Variants in R3HDM2 observed in about 807,000 individuals in gnomAD.
R3HDM2 encodes R3H domain containing 2, also known as R3H domain-containing protein 2.
A neutral mutation model predicts 124.5 loss-of-function variants in R3HDM2; 38 were observed. The ratio of observed to expected loss-of-function variants is 0.31; its 90% CI spans 0.24 to 0.40. The LOEUF (loss-of-function observed/expected upper bound fraction) is 0.40. R3HDM2 is among the 10% of genes least tolerant of loss of function. R3HDM2 has a pLI of 1.00. For synonymous variants in R3HDM2, 391 were observed against 448.0 expected, an observed-to-expected ratio of 0.87 and a Z score of 1.61; for missense variants, 869 against 1,236.9, an observed-to-expected ratio of 0.70 and a Z score of 4.46.
chr12:57,344,368 A>G (rs1163633958), intron 2 of R3HDM2, among the ~76,000 whole-genome samples: 1 of 152,226 alleles, frequency 6.6e-6, no homozygotes, highest in African/African-American at 2.4e-5. Context: ...ATTAAAGTCA[A>G]TATTCACCAC....
chr12:57,428,584 G>C (rs1868627172), intron 1 of R3HDM2, among the ~76,000 whole-genome samples: 1 of 151,994 alleles, frequency 6.6e-6, no homozygotes, highest in African/African-American at 2.4e-5. Context: ...TTACCCAGGA[G>C]ACAGAGCTTG....
chr12:57,400,544 G>A (rs1356648452), intron 1 of R3HDM2, among the ~76,000 whole-genome samples: 4 of 151,840 alleles, frequency 2.6e-5, no homozygotes, highest in African/African-American at 4.8e-5. Context: ...TAACAAACCC[G>A]CACGTTGTGC....
At chr12:57,374,547 G>A (rs985250248) in intron 2 of R3HDM2, among the ~76,000 whole-genome samples, 5 of 151,324 alleles carry the variant, frequency 3.3e-5, no homozygotes, top group African/African-American at 1.2e-4. Flanking sequence ...GCCAGGCATG[G>A]TGGCAGGTAT....
chr12:57,323,977 T>C (rs1223823044), intron 2 of R3HDM2, among the ~76,000 whole-genome samples: 1 of 152,120 alleles, frequency 6.6e-6, no homozygotes, highest in Non-Finnish European at 1.5e-5. Flanking sequence ...AAGTTCACAC[T>C]GTCTTTTCCC....
chr12:57,360,030 T>C (rs11172180), intron 2 of R3HDM2, among the ~76,000 whole-genome samples: 47,646 of 95,924 alleles, frequency 0.5, 9,738 homozygotes, highest in Middle Eastern at 0.76. Context: ...TATACACACA[T>C]ATATATATAT....
chr12:57,316,168 T>A (rs533616083), intron 2 of R3HDM2, among the ~76,000 whole-genome samples: 1 of 152,166 alleles, frequency 6.6e-6, no homozygotes, highest in Non-Finnish European at 1.5e-5. Context: ...AAATAATTCT[T>A]ACACTGAGAA....
chr12:57,261,767 A>AC (rs1350009574), intron 19 of R3HDM2, among the ~76,000 whole-genome samples: 1 of 151,398 alleles, frequency 6.6e-6, no homozygotes, highest in African/African-American at 2.4e-5. Flanking sequence ...CAAAAAAAAA[A>AC]AAAAAAAAAA....
intron 2 of R3HDM2, among the ~76,000 whole-genome samples, chr12:57,360,049 T>TATATATACATATATATATATA (rs2061739660): frequency 1.9e-5 from 1 of 52,712 alleles, no homozygotes; most frequent in South Asian, 5.1e-4. Context: ...ATATATATAT[T>TATATATACATATATATATATA]TTTTTTTTTT....
At chr12:57,310,222 GA>G (rs57612216) in intron 3 of R3HDM2, 41 bp downstream of exon 3, 1,020,726 of 1,086,904 alleles carry the variant, frequency 0.94, 480,164 homozygotes, top group East Asian at 0.96. Context: ...GTCTCTAAAG[GA>G]AAAAAAAAAA....
intron 2 of R3HDM2, among the ~76,000 whole-genome samples, chr12:57,345,500 TACACACACAC>T (rs55903347): frequency 0.21 from 31,611 of 147,492 alleles, 3,447 homozygotes; most frequent in South Asian, 0.35. Flanking sequence ...ATTTCTTTTA[TACACACACAC>T]ACACACACAC....
At chr12:57,340,387 G>C (rs576911127) in intron 2 of R3HDM2, among the ~76,000 whole-genome samples, 30 of 152,270 alleles carry the variant, frequency 2.0e-4, no homozygotes, top group African/African-American at 7.2e-4. Flanking sequence ...CAAGATGCAA[G>C]GATGTGGTGG....
intron 17 of R3HDM2, 47 bp from the exon 18 acceptor site, chr12:57,268,504 A>G (rs890428511): frequency 6.3e-7 from 1 of 1,597,312 alleles, no homozygotes; most frequent in Middle Eastern, 1.7e-4. Context: ...ATTCACATTG[A>G]GCTCATGCAG....
At position 57,320,261 on chromosome 12, in the gene R3HDM2, C is replaced by CAA. The variant is rs56207989; in HGVS notation, c.-35-9800_-35-9799dup. 7.0e-4 allele frequency among the ~76,000 whole-genome samples: 10 copies of CAA among 14,284 alleles called. 2 individuals are homozygous for CAA. The highest frequency in any genetic ancestry group is 4.5e-3 in the Admixed American group (3 of 666). 9.4% of individuals were successfully genotyped at this position (14,284 alleles called of 152,430 possible). A position where few individuals can be genotyped will look rare whatever the true frequency, so the allele number is the denominator to read the frequency against. On this transcript the variant is annotated intron_variant, in intron 2 of 23. Transcript: ENST00000402412. ...GGGCAACAAGAGTGCAACTCTATCT[C>CAA]AAAAAAAAAAAAAAAAAAAAAAAAA...
chr12:57,288,579 A>C (rs2047921728), intron 12 of R3HDM2, among the ~76,000 whole-genome samples: 1 of 152,094 alleles, frequency 6.6e-6, no homozygotes, highest in Non-Finnish European at 1.5e-5. Context: ...AATTCCAGCT[A>C]ATTTCTGGGA....
intron 2 of R3HDM2, among the ~76,000 whole-genome samples, chr12:57,366,163 T>A (rs150346514): frequency 1.2e-4 from 19 of 152,276 alleles, no homozygotes; most frequent in African/African-American, 4.6e-4. Flanking sequence ...TCTATCTATG[T>A]TTTCATTTAG....
At chr12:57,260,139 C>T (rs2040300517) in intron 19 of R3HDM2, among the ~76,000 whole-genome samples, 1 of 151,484 alleles carries the variant, frequency 6.6e-6, no homozygotes, top group African/African-American at 2.4e-5. Flanking sequence ...TGGCAAGCAC[C>T]TGTAGTCTCA....
chr12:57,380,971 T>A (rs2064782739), intron 2 of R3HDM2, among the ~76,000 whole-genome samples: 1 of 152,088 alleles, frequency 6.6e-6, no homozygotes, highest in South Asian at 2.1e-4. Context: ...GGCCCACACC[T>A]GTAATCCCAG....
intron 10 of R3HDM2, among the ~76,000 whole-genome samples, chr12:57,293,176 A>G (rs2048998511): frequency 6.6e-6 from 1 of 152,182 alleles, no homozygotes; most frequent in Non-Finnish European, 1.5e-5. Context: ...CAAATCACAC[A>G]CAGCTCAGCA....
At chr12:57,352,210 C>T (rs2060748035) in intron 2 of R3HDM2, among the ~76,000 whole-genome samples, 1 of 144,198 alleles carries the variant, frequency 6.9e-6, no homozygotes, top group Non-Finnish European at 1.5e-5. Flanking sequence ...CCACTGCACT[C>T]CAGCCTGGGC....
Sources: gnomAD v4.1 joint callset for allele counts (sites outside exome capture counted in the v4.1 genomes callset) on GRCh38, gnomAD v4.1.1 for gene constraint, MANE v1.5 for transcripts, NCBI Gene and HGNC (gene_info 2026-07-23, HGNC 2026-07-21) for gene names.